Variants in CLSTN1 observed in about 807,000 individuals in gnomAD.
CLSTN1 encodes the protein calsyntenin 1.
In CLSTN1, 28 loss-of-function variants were observed where a neutral mutation model predicts 108.3. That is an observed-to-expected ratio of 0.26 (90% confidence interval 0.19 to 0.35). CLSTN1 has a LOEUF of 0.35. CLSTN1 is among the 10% of genes least tolerant of loss of function. The pLI is 1.00. For missense variants in CLSTN1, 1,157 were observed against 1,302.6 expected (o/e 0.89, Z 1.72); for synonymous variants, 524 against 534.9 (o/e 0.98, Z 0.28).
chr1:9,823,796 C>G lies in CLSTN1; in HGVS notation c.-63G>C. The G allele has an allele frequency of 1.1e-6, 1 of 873,846 alleles. No homozygotes were observed. The highest frequency in any genetic ancestry group is 1.4e-6 in the Non-Finnish European group (1 of 720,382). The allele number at this position is 873,846 out of a possible 1,614,324, so 54.1% of individuals were successfully genotyped here. A position where few individuals can be genotyped will look rare whatever the true frequency, so the allele number is the denominator to read the frequency against. On this transcript the variant is annotated 5_prime_UTR_variant, in exon 1 of 19. Coordinates refer to ENST00000377298, the MANE Select transcript of CLSTN1 (RefSeq NM_001009566.3). The surrounding 1 kb of genome is among the most constrained non-coding windows in gnomAD (Gnocchi z 6.3). ...GACGCCGAGCGGAGCTCTCGGAGCT[C>G]TCGGGGCTCTAGGGGCCTGGGGCTA... is the stretch of plus-strand genomic sequence containing the variant.
intron 1 of CLSTN1, among the ~76,000 whole-genome samples, chr1:9,817,850 G>T (rs1298159336): frequency 6.6e-6 from 1 of 152,118 alleles, no homozygotes; most frequent in African/African-American, 2.4e-5. Flanking sequence ...ACTGAAAGCA[G>T]CATTCTAGTT....
Position 9,730,841 on chromosome 1 carries a change from C to T in CLSTN1, c.2749-136G>A, listed in dbSNP as rs12354385. 0.015 allele frequency: 12,325 copies of T among 823,258 alleles called. 948 individuals are homozygous for T. In the African/African-American group the frequency reaches 0.18, roughly 12 times the overall value. The allele number at this position is 823,258 out of a possible 1,614,324, so 51.0% of individuals were successfully genotyped here. A position where few individuals can be genotyped will look rare whatever the true frequency, so the allele number is the denominator to read the frequency against. On this transcript the variant is annotated intron_variant, in intron 18 of 18. Transcript: ENST00000377298. The surrounding 1 kb of genome is among the most constrained non-coding windows in gnomAD (Gnocchi z 5.6). ...CTCCCCAGCGACAGAGCAGCCAGGA[C>T]GGCACCGGAAGTTATATTAGAAGTG...
intron 2 of CLSTN1, among the ~76,000 whole-genome samples, chr1:9,771,406 G>A (rs926918761): frequency 2.0e-5 from 3 of 152,132 alleles, no homozygotes; most frequent in African/African-American, 4.8e-5. Context: ...ACAAGGTCAG[G>A]AGTTCAAGAC....
At position 9,730,464 on chromosome 1, in the gene CLSTN1, G is replaced by T; in HGVS notation, c.*44C>A. The T allele has an allele frequency of 1.9e-6, 3 of 1,555,320 alleles. No homozygotes were observed. Among genetic ancestry groups the T allele is most frequent in the Non-Finnish European group, 2.6e-6 (3 of 1,140,872 alleles). On this transcript the variant is annotated 3_prime_UTR_variant, in exon 19 of 19. Transcript: ENST00000377298. The surrounding 1 kb of genome is among the most constrained non-coding windows in gnomAD (Gnocchi z 5.6). ...CTTGGGACTGGGAGAACGGATGGCAGCAGAGTCTTCGAAAGCAGAAACCGA... is the reference window on the plus strand; with the variant it reads ...CTTGGGACTGGGAGAACGGATGGCATCAGAGTCTTCGAAAGCAGAAACCGA...
chr1:9,777,462 G>A (rs1653010783), intron 1 of CLSTN1, among the ~76,000 whole-genome samples: 1 of 152,040 alleles, frequency 6.6e-6, no homozygotes. Flanking sequence ...GGTAAAGGTT[G>A]CAGTGAGCCA....
In CLSTN1 at chr1:9,731,778, T is replaced by A. The variant is rs146135346; in HGVS notation, c.2546A>T (p.Asn849Ile). The A allele has an allele frequency of 6.2e-7, 1 of 1,614,084 alleles. No individual in the cohort carries two copies. The change falls in exon 17 of 19, where the codon AAC becomes ATC. Residue 849 changes from asparagine to isoleucine, a missense_variant. Asn to Ile is a moderately radical substitution (Grantham distance 149, BLOSUM62 -3). Coordinates refer to ENST00000377298, the MANE Select transcript of CLSTN1 (RefSeq NM_001009566.3). ...TGTCCTACCTGCGAACGGGTGGGGGTTGGCCAGGTTGTGGCCTGACAGGTC... is the reference window on the plus strand; with the variant it reads ...TGTCCTACCTGCGAACGGGTGGGGGATGGCCAGGTTGTGGCCTGACAGGTC... ...FVDLSGHNLA[N>I]PHPFAVVPST...
At chr1:9,769,946 C>T (rs907230767) in intron 2 of CLSTN1, among the ~76,000 whole-genome samples, 7 of 150,872 alleles carry the variant, frequency 4.6e-5, no homozygotes, top group Non-Finnish European at 8.8e-5. Flanking sequence ...AGGAGAATGG[C>T]GTGAACCCGG....
rs1650306270 is a variant in CLSTN1 at position 9,730,563 on chromosome 1, T to C, written c.2891A>G (p.Gln964Arg). 1 of 1,608,488 alleles carries C rather than the reference T, an allele frequency of 6.2e-7. No individual in the cohort carries two copies. Among genetic ancestry groups the C allele is most frequent in the African/African-American group, 1.3e-5 (1 of 74,856 alleles). ...CAGCTGCTGCTGCCGGGTTGCGTTCTGGGGGTCGCCCTGCTCCCCCTCCTC... is the reference window on the plus strand; with the variant it reads ...CAGCTGCTGCTGCCGGGTTGCGTTCCGGGGGTCGCCCTGCTCCCCCTCCTC... ...EEEEGEQGDP[Q>R]NATRQQQLEW... The change falls in exon 19 of 19, where the codon CAG (glutamine) becomes CGG (arginine). Residue 964 changes from glutamine (Q) to arginine (R), a missense_variant. Physicochemically the swap from Gln to Arg is conservative, Grantham distance 43. Coordinates refer to ENST00000377298, the MANE Select transcript of CLSTN1 (RefSeq NM_001009566.3). This position sits in a 1 kb window ranked among gnomAD's most constrained non-coding sequence, Gnocchi z 5.6.
At chr1:9,737,363 G>A in intron 11 of CLSTN1, 135 bp downstream of exon 11, 1 of 777,102 alleles carries the variant, frequency 1.3e-6, no homozygotes, top group South Asian at 1.5e-5. Context: ...CAATGGGGAA[G>A]CGCAATGCAG....
At chr1:9,755,884 AG>A (rs1651782438) in intron 3 of CLSTN1, among the ~76,000 whole-genome samples, 1 of 152,184 alleles carries the variant, frequency 6.6e-6, no homozygotes, top group Non-Finnish European at 1.5e-5. Flanking sequence ...TCAATGAGAA[AG>A]GTAGAAATAC....
intron 2 of CLSTN1, among the ~76,000 whole-genome samples, chr1:9,764,425 T>A (rs1285270119): frequency 6.6e-6 from 1 of 152,046 alleles, no homozygotes; most frequent in African/African-American, 2.4e-5. Context: ...TCACTTGAGG[T>A]CTGGGGTTCA....
chr1:9,793,634 C>T (rs1323638079), intron 1 of CLSTN1, among the ~76,000 whole-genome samples: 4 of 151,446 alleles, frequency 2.6e-5, no homozygotes, highest in Non-Finnish European at 5.9e-5. Flanking sequence ...GGGCAATTTC[C>T]ACTTTGACTC....
At chr1:9,763,945 G>A (rs1398363397) in intron 2 of CLSTN1, among the ~76,000 whole-genome samples, 1 of 152,178 alleles carries the variant, frequency 6.6e-6, no homozygotes, top group Non-Finnish European at 1.5e-5. Context: ...ACCTGAGGCT[G>A]TGTAAGTTAT....
intron 4 of CLSTN1, among the ~76,000 whole-genome samples, chr1:9,752,156 G>A (rs1426856926): frequency 5.9e-5 from 9 of 152,130 alleles, no homozygotes; most frequent in Admixed American, 2.6e-4. Context: ...GAGTTCAAAC[G>A]AATTCTGTCC....
intron 1 of CLSTN1, among the ~76,000 whole-genome samples, chr1:9,809,891 ACT>A (rs1323790627): frequency 6.7e-6 from 1 of 149,124 alleles, no homozygotes; most frequent in Non-Finnish European, 1.5e-5. Flanking sequence ...AAAGAGCAAA[ACT>A]CTGTCTCAAA....
chr1:9,730,789 G>A lies in CLSTN1; in HGVS notation c.2749-84C>T. On this transcript the variant is annotated intron_variant, in intron 18 of 18. Coordinates refer to ENST00000377298, the MANE Select transcript of CLSTN1 (RefSeq NM_001009566.3). The surrounding 1 kb of genome is among the most constrained non-coding windows in gnomAD (Gnocchi z 5.6). ...GCATTCTCCTCTCGACAGCCACAGAGGAAGGAGAACTTGCCCCAGCGTCTC... is the reference window on the plus strand; with the variant it reads ...GCATTCTCCTCTCGACAGCCACAGAAGAAGGAGAACTTGCCCCAGCGTCTC... 7.5e-7 allele frequency: 1 copy of A among 1,333,598 alleles called. No individual in the cohort carries two copies. Among genetic ancestry groups the A allele is most frequent in the Non-Finnish European group, 1.0e-6 (1 of 963,202 alleles). The allele number at this position is 1,333,598 out of a possible 1,614,324, so 82.6% of individuals were successfully genotyped here. A position where few individuals can be genotyped will look rare whatever the true frequency, so the allele number is the denominator to read the frequency against.
Position 9,735,029 on chromosome 1 carries a change from A to G in CLSTN1, c.2029T>C (p.Phe677Leu). The change falls in exon 14 of 19, where the codon TTC becomes CTC. Residue 677 changes from phenylalanine (F) to leucine (L), a missense_variant. Transcript: ENST00000377298. ...ASEFESSEGV[F>L]LFPELRIIST... is the part of the protein sequence containing the mutation. ...ATGATGCGAAGCTCAGGGAAAAGGA[A>G]CACCCCTTCTGAGCTTTCAAATTCA... is the stretch of plus-strand genomic sequence containing the variant. 1.2e-5 allele frequency: 20 copies of G among 1,614,212 alleles called. No homozygotes were observed. Among genetic ancestry groups the G allele is most frequent in the Non-Finnish European group, 1.7e-5 (20 of 1,180,050 alleles).
rs776430583 is a variant in CLSTN1, at chr1:9,743,887, A to G, written c.1353T>C (p.Asn451=). 1 of 1,613,934 alleles carries G rather than the reference A, an allele frequency of 6.2e-7. No homozygotes were observed. The highest frequency in any genetic ancestry group is 2.2e-5 in the East Asian group (1 of 44,876). ...YRPAEFHWKL[N]QVCDEEWHHY... is the part of the protein sequence containing the mutation. ...AGTGCGTTTTCAATTCACTCACCTG[A>G]TTCAACTTCCAGTGGAACTCTGCAG... Residue 451 remains asparagine, a synonymous_variant, in exon 9 of 19, where the codon AAT becomes AAC. Transcript: ENST00000377298.
intron 17 of CLSTN1, 31 bp from the exon 18 acceptor site, chr1:9,731,421 G>A: frequency 1.2e-6 from 2 of 1,608,774 alleles, no homozygotes; most frequent in Non-Finnish European, 1.7e-6. Flanking sequence ...GGGATGCGAG[G>A]TCACTCGGCC....
Sources: allele counts gnomAD v4.1 joint callset (sites outside exome capture counted in the v4.1 genomes callset), GRCh38; gene constraint gnomAD v4.1.1; non-coding constraint Gnocchi (gnomAD v3.1); transcripts MANE v1.5; gene names NCBI Gene and HGNC (gene_info 2026-07-23, HGNC 2026-07-21).